The following GREB1L variants were observed in gnomAD, a reference collection of about 807,000 sequenced individuals.
GREB1L encodes the protein GREB1 like retinoic acid receptor coactivator.
GREB1L carries 17 observed loss-of-function variants against 200.8 expected under a neutral mutation model. That is an observed-to-expected ratio of 0.08 (90% CI 0.06 to 0.13). GREB1L has a LOEUF of 0.13. GREB1L is among the 10% of genes least tolerant of loss of function. GREB1L has a pLI of 1.00. For synonymous variants in GREB1L, 789 were observed against 893.0 expected, an observed-to-expected ratio of 0.88 and a Z score of 2.08; for missense variants, 1,657 against 2,367.7, an observed-to-expected ratio of 0.70 and a Z score of 6.23.
Position 21,499,898 on chromosome 18 carries a change from C to A in GREB1L, c.3561C>A (p.Asp1187Glu). ...GAGETLKQEC[D>E]SLGPQMASST... ...GGGAGACTCTGAAGCAGGAATGTGA[C>A]TCCCTGGGCCCCCAGATGGCGAGCA... Residue 1187 changes from aspartate to glutamate, a missense_variant, in exon 22 of 33, where the codon GAC becomes GAA. Transcript: ENST00000424526. The A allele has an allele frequency of 6.5e-7, 1 of 1,549,634 alleles. No homozygotes were observed. The highest frequency in any genetic ancestry group is 1.4e-5 in the African/African-American group (1 of 73,102).
At chr18:21,501,940 C>T (rs563266278) in intron 23 of GREB1L, among the ~76,000 whole-genome samples, 1 of 152,172 alleles carries the variant, frequency 6.6e-6, no homozygotes, top group Non-Finnish European at 1.5e-5. Context: ...GAGTTGATTC[C>T]ACTCTGCCGC....
chr18:21,395,354 A>G (rs2041010323), intron 4 of GREB1L, 31 bp from the exon 5 acceptor site: 1 of 1,493,880 alleles, frequency 6.7e-7, no homozygotes, highest in South Asian at 1.2e-5. Context: ...TAAACATTTC[A>G]CTGTGTCCTT....
At chr18:21,299,913 A>G (rs2038591587) in intron 1 of GREB1L, among the ~76,000 whole-genome samples, 1 of 152,184 alleles carries the variant, frequency 6.6e-6, no homozygotes, top group African/African-American at 2.4e-5. Context: ...AAATAAATGT[A>G]TATTACATAT....
intron 7 of GREB1L, among the ~76,000 whole-genome samples, chr18:21,412,255 A>T (rs1440408114): frequency 6.6e-6 from 1 of 151,032 alleles, no homozygotes; most frequent in Non-Finnish European, 1.5e-5. Context: ...ACAAAAAAAA[A>T]ATTAAAAATT....
At chr18:21,503,818 T>A (rs1179358405) in intron 23 of GREB1L, among the ~76,000 whole-genome samples, 1 of 150,858 alleles carries the variant, frequency 6.6e-6, no homozygotes, top group Non-Finnish European at 1.5e-5. Context: ...CCTTAGGGGA[T>A]CCACCCACCT....
intron 1 of GREB1L, among the ~76,000 whole-genome samples, chr18:21,283,417 G>A (rs1337481384): frequency 1.3e-5 from 2 of 152,172 alleles, no homozygotes; most frequent in African/African-American, 2.4e-5. Flanking sequence ...AAGAGGTGAA[G>A]AACCCACTTT....
At chr18:21,307,624 C>T (rs570316337) in intron 1 of GREB1L, among the ~76,000 whole-genome samples, 14 of 152,268 alleles carry the variant, frequency 9.2e-5, no homozygotes, top group Admixed American at 6.5e-4. Flanking sequence ...TTTACCCCTT[C>T]TGGTCACCTT....
chr18:21,441,571 G>A, intron 10 of GREB1L, 34 bp downstream of exon 10: 2 of 1,528,026 alleles, frequency 1.3e-6, no homozygotes, highest in Non-Finnish European at 1.8e-6. Context: ...GCCTGTGTCT[G>A]CTGGAATCTA....
chr18:21,335,775 T>C (rs557435463), intron 1 of GREB1L, among the ~76,000 whole-genome samples: 1 of 151,954 alleles, frequency 6.6e-6, no homozygotes, highest in East Asian at 1.9e-4. Context: ...GCCATTCTCC[T>C]GCCTCAGCCT....
intron 27 of GREB1L, among the ~76,000 whole-genome samples, chr18:21,512,608 G>T (rs1177023836): frequency 1.3e-5 from 2 of 152,050 alleles, no homozygotes; most frequent in African/African-American, 4.8e-5. Flanking sequence ...TGAGAACAGA[G>T]ATAATTTTAC....
chr18:21,282,570 G>A (rs911500451), intron 1 of GREB1L, among the ~76,000 whole-genome samples: 1 of 151,572 alleles, frequency 6.6e-6, no homozygotes, highest in Non-Finnish European at 1.5e-5. Flanking sequence ...CAGTTATTGG[G>A]TTGTTGCAAA....
chr18:21,339,681 T>A (rs1342310281), intron 1 of GREB1L, among the ~76,000 whole-genome samples: 1 of 152,260 alleles, frequency 6.6e-6, no homozygotes, highest in Non-Finnish European at 1.5e-5. Flanking sequence ...TTCAAAGCTT[T>A]CAATGCAGTT....
At chr18:21,481,083 C>G (rs2035896225) in intron 17 of GREB1L, among the ~76,000 whole-genome samples, 1 of 151,878 alleles carries the variant, frequency 6.6e-6, no homozygotes, top group African/African-American at 2.4e-5. Flanking sequence ...TCACTATTAT[C>G]CAGAGGAGAA....
chr18:21,422,782 G>A (rs550519165), intron 7 of GREB1L, among the ~76,000 whole-genome samples: 13 of 152,238 alleles, frequency 8.5e-5, no homozygotes, highest in Admixed American at 5.2e-4. Flanking sequence ...GTCCAGGATT[G>A]CTGGATCAAA....
In GREB1L at chr18:21,510,152, G is replaced by A. The variant is rs1002370224; in HGVS notation, c.4735+1561G>A. On this transcript the variant is annotated intron_variant, in intron 27 of 32. Transcript: ENST00000424526. ...TCACTTGAACCCGGGAGCTGGTGGC[G>A]GCAGTGAGCCAAGATCATGCCACTG... Among the ~76,000 whole-genome samples, 8 of 151,192 alleles carry A rather than the reference G, an allele frequency of 5.3e-5. 1 individual carries two copies. The highest frequency in any genetic ancestry group is 4.6e-4 in the Admixed American group (7 of 15,202).
At chr18:21,407,456 G>A (rs2030395045) in intron 7 of GREB1L, among the ~76,000 whole-genome samples, 1 of 152,080 alleles carries the variant, frequency 6.6e-6, no homozygotes, top group African/African-American at 2.4e-5. Context: ...TTTTTGTATA[G>A]TATGAAATGA....
intron 1 of GREB1L, among the ~76,000 whole-genome samples, chr18:21,336,742 G>A (rs117017681): frequency 0.015 from 2,344 of 152,252 alleles, 24 homozygotes; most frequent in Non-Finnish European, 0.024. Flanking sequence ...GCCAGAGCAC[G>A]ATGCTATAGG....
rs531161663 is a variant in GREB1L, at chr18:21,516,250, T to G, written c.5130-363T>G. Among the ~76,000 whole-genome samples, 6 of 152,324 alleles carry G rather than the reference T, an allele frequency of 3.9e-5. No individual in the cohort carries two copies. The East Asian group carries it at 1.2e-3, about 29-fold the overall frequency. The stretch of plus-strand genomic sequence containing the variant: ...GTTATAGAATAGCTGCTGCTTTCAC[T>G]CCTGTTTTAAATTTGACAGAGGCTT... On this transcript the variant is annotated intron_variant, in intron 29 of 32. Transcript: ENST00000424526.
chr18:21,398,784 T>C (rs2041191107), intron 5 of GREB1L, among the ~76,000 whole-genome samples: 1 of 152,190 alleles, frequency 6.6e-6, no homozygotes, highest in South Asian at 2.1e-4. Flanking sequence ...TAAAAATATA[T>C]TGATCCAGTT....
Sources: allele counts gnomAD v4.1 joint callset (sites outside exome capture counted in the v4.1 genomes callset), GRCh38; gene constraint gnomAD v4.1.1; transcripts MANE v1.5; gene names NCBI Gene and HGNC (gene_info 2026-07-23, HGNC 2026-07-21).